Variants in STUM observed in about 807,000 individuals in gnomAD.
STUM encodes the protein protein stum homolog.
STUM carries 8 observed loss-of-function variants against 15.3 expected under a neutral mutation model. That is an observed-to-expected ratio of 0.52 (90% CI 0.31 to 0.94). The LOEUF (loss-of-function observed/expected upper bound fraction) is 0.94, where lower values mean the gene tolerates loss of function less well. Among genes scored for constraint, STUM ranks in the 40% least tolerant of loss-of-function variants. The probability of loss-of-function intolerance (pLI) is 0.05; values close to 1 mark genes in which losing one functional copy is unlikely to be tolerated. For synonymous variants in STUM, 78 were observed against 88.7 expected (o/e 0.88, Z 0.68); for missense variants, 142 against 204.9 (o/e 0.69, Z 1.87).
Position 226,596,803 on chromosome 1 carries a change from G to C in STUM, c.204G>C (p.Gly68=), listed in dbSNP as rs1278461611. The C allele has an allele frequency of 1.9e-5, 30 of 1,609,292 alleles. No homozygotes were observed. The highest frequency in any genetic ancestry group is 2.6e-5 in the Non-Finnish European group (30 of 1,176,300). ...GCTGTCCCCTCTGGCCTCTCACAGG[G>C]ACATTCGTCTCGGCCTTCACTGTGC... ...LFLNTFVPGL[G]TFVSAFTVLC... is the part of the protein sequence containing the mutation. The change falls in exon 2 of 4, where the codon GGG becomes GGC. Residue 68 remains glycine (G), a splice_region_variant and synonymous_variant. Coordinates refer to ENST00000366788, the MANE Select transcript of STUM (RefSeq NM_001003665.4).
At chr1:226,593,287 G>A (rs945894201) in intron 1 of STUM, among the ~76,000 whole-genome samples, 3 of 151,786 alleles carry the variant, frequency 2.0e-5, no homozygotes, top group Non-Finnish European at 2.9e-5. Flanking sequence ...TGAGAGCTCC[G>A]TTTCCTGCAG....
At chr1:226,554,022 C>G (rs1276071968) in intron 1 of STUM, among the ~76,000 whole-genome samples, 1 of 152,150 alleles carries the variant, frequency 6.6e-6, no homozygotes, top group East Asian at 1.9e-4. Flanking sequence ...GCTTGCCTGC[C>G]CTTGTAGGAG....
intron 1 of STUM, among the ~76,000 whole-genome samples, chr1:226,579,331 C>T (rs548326243): frequency 6.6e-6 from 1 of 152,218 alleles, no homozygotes; most frequent in Non-Finnish European, 1.5e-5. Flanking sequence ...TGCCAGCTCC[C>T]AACACATGAG....
intron 1 of STUM, among the ~76,000 whole-genome samples, chr1:226,577,198 C>T (rs1366677007): frequency 2.0e-5 from 3 of 152,190 alleles, no homozygotes; most frequent in Admixed American, 6.5e-5. Context: ...GTCTTCTTAA[C>T]CTCTTGGCTG....
At position 226,609,142 on chromosome 1, in the gene STUM, G is replaced by T. The variant is rs928017916; in HGVS notation, c.*7102G>T. 1 of 152,020 alleles carries T rather than the reference G, an allele frequency of 6.6e-6. No homozygotes were observed. The highest frequency in any genetic ancestry group is 1.5e-5 in the Non-Finnish European group (1 of 68,008). The allele number at this position is 152,020 out of a possible 1,614,324, so 9.4% of individuals were successfully genotyped here. On this transcript the variant is annotated 3_prime_UTR_variant, in exon 4 of 4. Transcript: ENST00000366788. Reference sequence around the variant, plus strand: ...AAGTTTGTGTTTTTTTAAATCCTTGGAAATACGGCTTTGGAAACCTTTTTC... The same window carrying T: ...AAGTTTGTGTTTTTTTAAATCCTTGTAAATACGGCTTTGGAAACCTTTTTC...
intron 1 of STUM, among the ~76,000 whole-genome samples, chr1:226,573,257 C>T (rs1442636270): frequency 6.6e-6 from 1 of 152,196 alleles, no homozygotes; most frequent in Non-Finnish European, 1.5e-5. Flanking sequence ...TTTGATGAAC[C>T]TGATGTTAGT....
intron 1 of STUM, among the ~76,000 whole-genome samples, chr1:226,583,655 G>A (rs1438786709): frequency 1.3e-5 from 2 of 151,920 alleles, no homozygotes. Context: ...TCACAGCTCT[G>A]TGTCCCCTAG....
intron 1 of STUM, among the ~76,000 whole-genome samples, chr1:226,556,515 C>T (rs1298198069): frequency 6.6e-6 from 1 of 152,164 alleles, no homozygotes; most frequent in Non-Finnish European, 1.5e-5. Flanking sequence ...AGATGAGCAA[C>T]AGGCTAAACA....
rs114210919 is a variant in STUM, at chr1:226,603,701, G to A, written c.*1661G>A. The A allele has an allele frequency of 0.01, 1,568 of 152,340 alleles. 21 individuals are homozygous for A. Among genetic ancestry groups the A allele is most frequent in the African/African-American group, 0.036 (1,482 of 41,542 alleles). The allele number at this position is 152,340 out of a possible 1,614,324, so 9.4% of individuals were successfully genotyped here. On this transcript the variant is annotated 3_prime_UTR_variant, in exon 4 of 4. Transcript: ENST00000366788. The stretch of plus-strand genomic sequence containing the variant: ...CTAATCACAGTCCTGCCTGAGAAGC[G>A]GGCCCTGCTGCCCACCCCTTATCAT...
intron 1 of STUM, among the ~76,000 whole-genome samples, chr1:226,595,136 A>T (rs952457835): frequency 6.6e-6 from 1 of 152,258 alleles, no homozygotes. Flanking sequence ...GCCCCCAGTT[A>T]GTCCTGAGAG....
chr1:226,602,195 C>A lies in STUM; in HGVS notation c.*155C>A. On this transcript the variant is annotated 3_prime_UTR_variant, in exon 4 of 4. Transcript: ENST00000366788. Reference sequence around the variant, plus strand: ...AAAAATATTATTTATTTTGAAAACGCATCTGCTTTTCTCAGCAGGTTGTGA... The same window carrying A: ...AAAAATATTATTTATTTTGAAAACGAATCTGCTTTTCTCAGCAGGTTGTGA... 1.6e-6 allele frequency: 1 copy of A among 623,318 alleles called. No individual in the cohort carries two copies. 38.6% of individuals were successfully genotyped at this position (623,318 alleles called of 1,614,324 possible).
intron 1 of STUM, among the ~76,000 whole-genome samples, chr1:226,587,596 A>G (rs1034156944): frequency 1.3e-5 from 2 of 152,088 alleles, no homozygotes; most frequent in African/African-American, 4.8e-5. Flanking sequence ...CATTTACCCG[A>G]GACCCTGGGA....
intron 1 of STUM, among the ~76,000 whole-genome samples, chr1:226,568,681 T>TG (rs1166374230): frequency 1.3e-5 from 2 of 152,240 alleles, no homozygotes; most frequent in Non-Finnish European, 2.9e-5. Flanking sequence ...TGGCAGCCAC[T>TG]GTCCCAGCTG....
chr1:226,550,013 G>A (rs1236291706), intron 1 of STUM, among the ~76,000 whole-genome samples: 1 of 152,066 alleles, frequency 6.6e-6, no homozygotes, highest in Non-Finnish European at 1.5e-5. Flanking sequence ...CCTCCAGCTT[G>A]GCACTGGCTG....
intron 1 of STUM, among the ~76,000 whole-genome samples, chr1:226,569,432 G>A (rs75002792): frequency 1.3e-3 from 204 of 152,240 alleles, no homozygotes; most frequent in African/African-American, 4.4e-3. Flanking sequence ...ACTCAGCTCC[G>A]CACCTCCATG....
chr1:226,554,079 C>G (rs1014893723), intron 1 of STUM, among the ~76,000 whole-genome samples: 1 of 152,198 alleles, frequency 6.6e-6, no homozygotes, highest in Non-Finnish European at 1.5e-5. Context: ...CCACGTGACT[C>G]GCTTTGGCCA....
intron 1 of STUM, among the ~76,000 whole-genome samples, chr1:226,577,535 A>G (rs1349184921): frequency 6.6e-6 from 1 of 152,098 alleles, no homozygotes; most frequent in Non-Finnish European, 1.5e-5. Flanking sequence ...ACACTCAGGC[A>G]CACATAGACT....
In STUM at chr1:226,606,919, G is replaced by C. The variant is rs1346257226; in HGVS notation, c.*4879G>C. 1 of 152,334 alleles carries C rather than the reference G, an allele frequency of 6.6e-6. No homozygotes were observed. The allele number at this position is 152,334 out of a possible 1,614,324, so 9.4% of individuals were successfully genotyped here. A position where few individuals can be genotyped will look rare whatever the true frequency, so the allele number is the denominator to read the frequency against. On this transcript the variant is annotated 3_prime_UTR_variant, in exon 4 of 4. Coordinates refer to ENST00000366788, the MANE Select transcript of STUM (RefSeq NM_001003665.4). ...ATCGAGAGCTAACGTGGGCCCAGCA[G>C]TCCTGTGCTTGGAAATGATGCCGTC... is the stretch of plus-strand genomic sequence containing the variant.
Position 226,606,875 on chromosome 1 carries a change from T to TTAAC in STUM, c.*4837_*4840dup, listed in dbSNP as rs1668369651. Reference sequence around the variant, plus strand: ...CAGGGGGACACCTCCCTGCTTTGCATTAACTCATCAGCAAGCTCATCGAGA... The same window carrying TTAAC: ...CAGGGGGACACCTCCCTGCTTTGCATTAACTAACTCATCAGCAAGCTCATCGAGA... On this transcript the variant is annotated 3_prime_UTR_variant, in exon 4 of 4. Coordinates refer to ENST00000366788, the MANE Select transcript of STUM (RefSeq NM_001003665.4). 6.6e-6 allele frequency: 1 copy of TTAAC among 152,312 alleles called. No homozygotes were observed. Among genetic ancestry groups the TTAAC allele is most frequent in the African/African-American group, 2.4e-5 (1 of 41,466 alleles). 9.4% of individuals were successfully genotyped at this position (152,312 alleles called of 1,614,324 possible). A position where few individuals can be genotyped will look rare whatever the true frequency, so the allele number is the denominator to read the frequency against.
Sources: allele counts gnomAD v4.1 joint callset (sites outside exome capture counted in the v4.1 genomes callset), GRCh38; gene constraint gnomAD v4.1.1; transcripts MANE v1.5; gene names NCBI Gene and HGNC (gene_info 2026-07-23, HGNC 2026-07-21).